Variants in PBX1 observed in about 807,000 individuals in gnomAD.
The protein encoded by PBX1 is pre-B-cell leukemia transcription factor 1.
A neutral mutation model predicts 53.4 loss-of-function variants in PBX1; 6 were observed. That is an observed-to-expected ratio of 0.11 (90% CI 0.06 to 0.22). The LOEUF (loss-of-function observed/expected upper bound fraction) is 0.22, where lower values mean the gene tolerates loss of function less well. Ranked by LOEUF, PBX1 falls within the 10% of genes least tolerant of loss-of-function variation. The probability of loss-of-function intolerance (pLI) is 1.00; values close to 1 mark genes in which losing one functional copy is unlikely to be tolerated. For synonymous variants in PBX1, 204 were observed against 212.3 expected, an observed-to-expected ratio of 0.96 and a Z score of 0.34; for missense variants, 251 against 551.4, an observed-to-expected ratio of 0.46 and a Z score of 5.46.
At chr1:164,644,558 G>GGTTTTTTTTTTTTTTTTTTT (rs1557911895) in intron 2 of PBX1, among the ~76,000 whole-genome samples, 1 of 149,876 alleles carries the variant, frequency 6.7e-6, no homozygotes. Flanking sequence ...ACGTTTATCA[G>GGTTTTTTTTTTTTTTTTTTT]CTTTTGTTTT....
intron 2 of PBX1, chr1:164,657,073 A>T (rs964506480): frequency 1.3e-5 from 2 of 152,238 alleles, no homozygotes; most frequent in Non-Finnish European, 2.9e-5. Flanking sequence ...TTGATAAAGC[A>T]AAACAAAACA....
chr1:164,860,875 G>A (rs1672080724), intron 2 of PBX1, among the ~76,000 whole-genome samples: 1 of 151,988 alleles, frequency 6.6e-6, no homozygotes, highest in Non-Finnish European at 1.5e-5. Context: ...AGGAACGAAG[G>A]CAAAAAAGAA....
Position 164,849,494 on chromosome 1 carries a change from A to C in PBX1, c.*2818A>C. ...CCTCTGGAAACACAGCTTCCTGGGA[A>C]TTCACATGAGGCCAGTCCTACAGAG... On this transcript the variant is annotated 3_prime_UTR_variant, in exon 9 of 9. Coordinates refer to ENST00000420696, the MANE Select transcript of PBX1 (RefSeq NM_002585.4). 6.6e-7 allele frequency: 1 copy of C among 1,523,888 alleles called. No homozygotes were observed. Among genetic ancestry groups the C allele is most frequent in the Non-Finnish European group, 8.8e-7 (1 of 1,137,462 alleles). 94.4% of individuals were successfully genotyped at this position (1,523,888 alleles called of 1,614,324 possible). A position where few individuals can be genotyped will look rare whatever the true frequency, so the allele number is the denominator to read the frequency against.
At chr1:164,702,793 A>C (rs569979390) in intron 2 of PBX1, among the ~76,000 whole-genome samples, 30 of 152,254 alleles carry the variant, frequency 2.0e-4, no homozygotes, top group African/African-American at 6.7e-4. Context: ...CTATAGGATG[A>C]GGAGGAAAAT....
chr1:164,734,300 G>A (rs1395836368), intron 2 of PBX1, among the ~76,000 whole-genome samples: 3 of 152,134 alleles, frequency 2.0e-5, no homozygotes, highest in South Asian at 2.1e-4. Flanking sequence ...CAATGAACCC[G>A]AATCAACTTC....
At chr1:164,657,659 C>T (rs895085827) in intron 2 of PBX1, among the ~76,000 whole-genome samples, 1 of 152,138 alleles carries the variant, frequency 6.6e-6, no homozygotes, top group African/African-American at 2.4e-5. Context: ...TCTGAGTTGA[C>T]CTATAAGTGG....
At chr1:164,806,818 ACGTGTT>A (rs922531750) in intron 4 of PBX1, among the ~76,000 whole-genome samples, 115 of 152,308 alleles carry the variant, frequency 7.6e-4, no homozygotes, top group African/African-American at 2.7e-3. Flanking sequence ...AGCAGCTGCC[ACGTGTT>A]GGGCGCTGTG....
intron 2 of PBX1, among the ~76,000 whole-genome samples, chr1:164,724,344 A>G (rs1664568531): frequency 6.6e-6 from 1 of 152,180 alleles, no homozygotes; most frequent in Admixed American, 6.5e-5. Context: ...CAAACAGAAA[A>G]TACAAATGAC....
At chr1:164,804,013 TTAC>T (rs1669212855) in intron 4 of PBX1, among the ~76,000 whole-genome samples, 1 of 152,214 alleles carries the variant, frequency 6.6e-6, no homozygotes, top group Admixed American at 6.5e-5. Flanking sequence ...TTATATATTA[TTAC>T]TGTTATATGA....
At chr1:164,595,630 C>T (rs143548437) in intron 2 of PBX1, among the ~76,000 whole-genome samples, 237 of 151,810 alleles carry the variant, frequency 1.6e-3, no homozygotes, top group African/African-American at 5.3e-3. Context: ...CTGATATGAT[C>T]GTTGTATATT....
chr1:164,684,448 G>T (rs1661977537), intron 2 of PBX1: 2 of 152,174 alleles, frequency 1.3e-5, no homozygotes, highest in African/African-American at 4.8e-5. Flanking sequence ...GTTTTGAGAA[G>T]CAGGCTTAAA....
At chr1:164,786,720 T>TGTGTGTGTGTGCGCGCGCGC (rs1357886882) in intron 2 of PBX1, among the ~76,000 whole-genome samples, 2 of 116,256 alleles carry the variant, frequency 1.7e-5, no homozygotes, top group African/African-American at 6.9e-5. Context: ...TGTGTGTGTG[T>TGTGTGTGTGTGCGCGCGCGC]GCGCGCGCAC....
Position 164,789,180 on chromosome 1 carries a change from A to G in PBX1, c.266-3314A>G, listed in dbSNP as rs190967942. 7.4e-4 allele frequency among the ~76,000 whole-genome samples: 112 copies of G among 152,272 alleles called. 1 individual carries two copies. The highest frequency in any genetic ancestry group is 2.6e-3 in the African/African-American group (110 of 41,560). On this transcript the variant is annotated intron_variant, in intron 2 of 8. Coordinates refer to ENST00000420696, the MANE Select transcript of PBX1 (RefSeq NM_002585.4). ...TTCAGTGTTCTTTGCCAGCCTTGAC[A>G]ATTTCCTTTCTTATTTTATTTAAAA... is the stretch of plus-strand genomic sequence containing the variant.
At chr1:164,801,522 G>A (rs1482833611) in intron 4 of PBX1, among the ~76,000 whole-genome samples, 2 of 151,922 alleles carry the variant, frequency 1.3e-5, no homozygotes, top group South Asian at 4.2e-4. Context: ...AGAGAAGGGA[G>A]GGGCAGAATT....
At chr1:164,568,717 G>A (rs1653611652) in intron 2 of PBX1, among the ~76,000 whole-genome samples, 1 of 152,120 alleles carries the variant, frequency 6.6e-6, no homozygotes, top group Admixed American at 6.5e-5. Flanking sequence ...TACGTCTACT[G>A]GTCTTTAAGT....
At chr1:164,782,277 C>T (rs545975194) in intron 2 of PBX1, among the ~76,000 whole-genome samples, 9 of 152,242 alleles carry the variant, frequency 5.9e-5, no homozygotes, top group Non-Finnish European at 1.0e-4. Context: ...TACTGGTAAC[C>T]CTGGCTGGAA....
chr1:164,792,797 A>C (rs1383173671), intron 3 of PBX1, 59 bp downstream of exon 3: 3 of 1,316,100 alleles, frequency 2.3e-6, no homozygotes, highest in Non-Finnish European at 3.2e-6. Context: ...TGGAGGAAGC[A>C]CAACCCCGGG....
chr1:164,714,525 G>T (rs1663981166), intron 2 of PBX1, among the ~76,000 whole-genome samples: 1 of 151,946 alleles, frequency 6.6e-6, no homozygotes, highest in Non-Finnish European at 1.5e-5. Flanking sequence ...AGATAGGAGA[G>T]ATACCAATTA....
intron 8 of PBX1, among the ~76,000 whole-genome samples, chr1:164,841,816 C>T (rs190545962): frequency 2.6e-3 from 396 of 151,954 alleles, no homozygotes; most frequent in Non-Finnish European, 4.3e-3. Context: ...GTTTTTCTTC[C>T]CGGCCGTTCC....
Sources: gnomAD v4.1 joint callset for allele counts (sites outside exome capture counted in the v4.1 genomes callset) on GRCh38, gnomAD v4.1.1 for gene constraint, MANE v1.5 for transcripts, NCBI Gene and HGNC (gene_info 2026-07-23, HGNC 2026-07-21) for gene names.